Variants in DAG1 observed in about 807,000 individuals in gnomAD.
The protein encoded by DAG1 is dystroglycan 1 (dystrophin-associated glycoprotein 1).
Under a neutral mutation model 46.1 loss-of-function variants are expected in DAG1, and 8 were observed. That is an observed-to-expected ratio of 0.17 (90% CI 0.10 to 0.31). The LOEUF (loss-of-function observed/expected upper bound fraction) is 0.31, where lower values mean the gene tolerates loss of function less well. Among genes scored for constraint, DAG1 ranks in the 10% least tolerant of loss-of-function variants. DAG1 has a pLI of 1.00. For synonymous variants in DAG1, 495 were observed against 481.8 expected (o/e 1.03, Z -0.36); for missense variants, 1,003 against 1,189.9 (o/e 0.84, Z 2.31).
chr3:49,510,015 C>G (rs2050718654), intron 1 of DAG1, among the ~76,000 whole-genome samples: 1 of 152,224 alleles, frequency 6.6e-6, no homozygotes, highest in Admixed American at 6.5e-5. Flanking sequence ...AGGCGTGAGC[C>G]ACGGTGCCCG....
chr3:49,515,582 C>CA (rs1559567770), intron 2 of DAG1, among the ~76,000 whole-genome samples: 1 of 151,762 alleles, frequency 6.6e-6, no homozygotes. Flanking sequence ...AGATGGGTCT[C>CA]ACTTTGTTGC....
intron 1 of DAG1, among the ~76,000 whole-genome samples, chr3:49,484,343 C>T (rs1049038545): frequency 5.3e-5 from 8 of 151,938 alleles, no homozygotes; most frequent in Non-Finnish European, 1.0e-4. Context: ...GTAGTGCCAG[C>T]CCTAACCTGA....
intron 1 of DAG1, among the ~76,000 whole-genome samples, chr3:49,485,280 C>T (rs1051386278): frequency 2.0e-5 from 3 of 152,022 alleles, no homozygotes; most frequent in Non-Finnish European, 2.9e-5. Flanking sequence ...CGGCCAAGGA[C>T]GGAGTGTTGT....
chr3:49,498,101 C>T (rs1373264176), intron 1 of DAG1, among the ~76,000 whole-genome samples: 1 of 152,152 alleles, frequency 6.6e-6, no homozygotes, highest in Non-Finnish European at 1.5e-5. Context: ...TTTTCTCCCA[C>T]GTATTTTTAC....
chr3:49,522,326 C>T (rs1265205347), intron 2 of DAG1, among the ~76,000 whole-genome samples: 1 of 151,874 alleles, frequency 6.6e-6, no homozygotes, highest in East Asian at 1.9e-4. Context: ...GCCACTGCGC[C>T]TGGCTTTTTT....
At chr3:49,469,754 G>A (rs1020583588), upstream of DAG1, among the ~76,000 whole-genome samples, 2 of 152,210 alleles carry the variant, frequency 1.3e-5, no homozygotes, top group African/African-American at 2.4e-5. Context: ...TTGAGAGAAC[G>A]CTTCCTGATT....
intron 1 of DAG1, among the ~76,000 whole-genome samples, chr3:49,509,889 C>T (rs1462589823): frequency 5.3e-5 from 8 of 151,952 alleles, no homozygotes; most frequent in African/African-American, 1.7e-4. Context: ...CCACCATGCC[C>T]GGCTAATTTT....
At chr3:49,470,965 A>G (rs748831521) in intron 1 of DAG1, 2 of 152,188 alleles carry the variant, frequency 1.3e-5, no homozygotes, top group Non-Finnish European at 2.9e-5. Context: ...TATTTGGCAG[A>G]CCTGGTTCAC....
At chr3:49,524,848 C>T (rs1219549009) in intron 2 of DAG1, among the ~76,000 whole-genome samples, 1 of 151,640 alleles carries the variant, frequency 6.6e-6, no homozygotes, top group Non-Finnish European at 1.5e-5. Context: ...TACCCGGGCA[C>T]GTGCCTATGT....
chr3:49,473,642 G>A (rs2049591420), intron 1 of DAG1, among the ~76,000 whole-genome samples: 1 of 151,206 alleles, frequency 6.6e-6, no homozygotes, highest in Admixed American at 6.6e-5. Context: ...GAATAAAGTG[G>A]CGTGATCTTG....
At chr3:49,515,428 C>T (rs2050873963) in intron 2 of DAG1, among the ~76,000 whole-genome samples, 1 of 149,354 alleles carries the variant, frequency 6.7e-6, no homozygotes, top group Non-Finnish European at 1.5e-5. Flanking sequence ...GCTCTGTTGC[C>T]CAGGCTGGAG....
chr3:49,513,968 T>TA (rs1207818291), intron 2 of DAG1, among the ~76,000 whole-genome samples: 1 of 152,206 alleles, frequency 6.6e-6, no homozygotes, highest in East Asian at 1.9e-4. Context: ...CTTGAACTGA[T>TA]ACAGCAAACT....
intron 2 of DAG1, 181 bp downstream of exon 2, chr3:49,511,000 C>G (rs1179906020): frequency 1.0e-6 from 1 of 978,210 alleles, no homozygotes; most frequent in East Asian, 1.1e-4. Context: ...GAATAGCATC[C>G]TAAACTGTAT....
At chr3:49,486,263 G>C (rs1378103742) in intron 1 of DAG1, among the ~76,000 whole-genome samples, 3 of 151,558 alleles carry the variant, frequency 2.0e-5, no homozygotes, top group Non-Finnish European at 2.9e-5. Flanking sequence ...CTGTCGCCCA[G>C]ACTGGAGTGC....
chr3:49,504,406 G>T (rs2050539896), intron 1 of DAG1, among the ~76,000 whole-genome samples: 1 of 151,928 alleles, frequency 6.6e-6, no homozygotes, highest in Non-Finnish European at 1.5e-5. Context: ...ACCCATTGAA[G>T]GACATCTGGG....
intron 1 of DAG1, among the ~76,000 whole-genome samples, chr3:49,481,205 T>C (rs1384753515): frequency 4.2e-5 from 6 of 144,242 alleles, no homozygotes; most frequent in Non-Finnish European, 9.1e-5. Context: ...CTGGCTAACA[T>C]GGTGAAACCC....
intron 1 of DAG1, among the ~76,000 whole-genome samples, chr3:49,472,454 A>T (rs535865890): frequency 3.9e-5 from 6 of 152,246 alleles, no homozygotes; most frequent in Admixed American, 3.9e-4. Context: ...TGGAGGGACC[A>T]CTTAGGGACC....
chr3:49,515,195 C>T (rs2050864939), intron 2 of DAG1, among the ~76,000 whole-genome samples: 1 of 151,984 alleles, frequency 6.6e-6, no homozygotes, highest in Non-Finnish European at 1.5e-5. Flanking sequence ...GTATCAAACT[C>T]CTGACCTCAG....
intron 2 of DAG1, among the ~76,000 whole-genome samples, chr3:49,521,330 A>AT (rs886294645): frequency 2.0e-5 from 3 of 151,590 alleles, no homozygotes; most frequent in Admixed American, 1.3e-4. Flanking sequence ...CACCTGGCTT[A>AT]TTTTTTTTGT....
Sources: allele counts gnomAD v4.1 joint callset (sites outside exome capture counted in the v4.1 genomes callset), GRCh38; gene constraint gnomAD v4.1.1; transcripts MANE v1.5; gene names NCBI Gene and HGNC (gene_info 2026-07-23, HGNC 2026-07-21).